Variants in TBC1D22A observed in about 807,000 individuals in gnomAD.
TBC1D22A encodes TBC1 domain family member 22A.
TBC1D22A carries 38 observed loss-of-function variants against 60.2 expected under a neutral mutation model. The observed-to-expected ratio is 0.63, with a 90% CI of 0.49 to 0.83. The LOEUF is 0.83. Ranked by LOEUF, TBC1D22A falls within the 40% of genes least tolerant of loss-of-function variation. The probability of loss-of-function intolerance (pLI) is 0.00; values close to 1 mark genes in which losing one functional copy is unlikely to be tolerated. For missense variants in TBC1D22A, 628 were observed against 701.0 expected (o/e 0.90, Z 1.18); for synonymous variants, 302 against 281.7 (o/e 1.07, Z -0.72).
intron 8 of TBC1D22A, among the ~76,000 whole-genome samples, chr22:46,932,688 A>G (rs9616163): frequency 0.1 from 13,868 of 137,716 alleles, 729 homozygotes; most frequent in African/African-American, 0.12. Context: ...CTCTGAGGAT[A>G]GGGTTTAGTG....
At chr22:47,153,696 G>A (rs190046683) in intron 12 of TBC1D22A, among the ~76,000 whole-genome samples, 314 of 152,278 alleles carry the variant, frequency 2.1e-3, no homozygotes, top group African/African-American at 7.3e-3. Context: ...CCTAGAACCC[G>A]CAGGGTGTGG....
At chr22:46,821,882 G>C (rs572658045) in intron 4 of TBC1D22A, among the ~76,000 whole-genome samples, 1 of 151,978 alleles carries the variant, frequency 6.6e-6, no homozygotes, top group South Asian at 2.1e-4. Context: ...CCAGGCAATC[G>C]TAGGTTCGGT....
intron 10 of TBC1D22A, among the ~76,000 whole-genome samples, chr22:47,034,728 G>C (rs757223270): frequency 1.3e-5 from 2 of 152,186 alleles, no homozygotes; most frequent in Non-Finnish European, 2.9e-5. Context: ...GACTTTGGAC[G>C]ACGGAGCTCG....
intron 10 of TBC1D22A, among the ~76,000 whole-genome samples, chr22:47,003,655 CT>C (rs1408613367): frequency 4.3e-5 from 6 of 138,742 alleles, no homozygotes; most frequent in Non-Finnish European, 9.2e-5. Flanking sequence ...AGATGCACCC[CT>C]GTATACACAC....
At chr22:47,092,182 C>T (rs1163063657) in intron 11 of TBC1D22A, among the ~76,000 whole-genome samples, 2 of 152,122 alleles carry the variant, frequency 1.3e-5, no homozygotes, top group African/African-American at 2.4e-5. Flanking sequence ...GGAGGGATGT[C>T]GGAGCAGGGC....
chr22:47,013,458 T>C (rs969802754), intron 10 of TBC1D22A, among the ~76,000 whole-genome samples: 1 of 152,202 alleles, frequency 6.6e-6, no homozygotes, highest in African/African-American at 2.4e-5. Flanking sequence ...AAGAAAGAGC[T>C]GTCGTGGTTT....
intron 9 of TBC1D22A, among the ~76,000 whole-genome samples, chr22:46,979,513 G>T (rs191488584): frequency 1.3e-5 from 2 of 152,220 alleles, no homozygotes; most frequent in Admixed American, 1.3e-4. Flanking sequence ...TCTCCTTGAC[G>T]ACGCTTCTGT....
At chr22:46,887,401 C>T (rs139050056) in intron 5 of TBC1D22A, among the ~76,000 whole-genome samples, 18 of 152,160 alleles carry the variant, frequency 1.2e-4, no homozygotes, top group Non-Finnish European at 1.9e-4. Context: ...AATTCTTTAG[C>T]AAAGTCTTTC....
chr22:46,948,006 C>T (rs559490111), intron 8 of TBC1D22A, among the ~76,000 whole-genome samples: 92 of 152,304 alleles, frequency 6.0e-4, no homozygotes, highest in African/African-American at 1.5e-3. Flanking sequence ...GAGAGAAGGA[C>T]GCTCTTTGTA....
chr22:46,798,795 C>T (rs2084770332), intron 4 of TBC1D22A, among the ~76,000 whole-genome samples: 2 of 152,338 alleles, frequency 1.3e-5, no homozygotes, highest in Admixed American at 6.5e-5. Flanking sequence ...GAGTGGCGCA[C>T]GCGGATGGGC....
chr22:46,864,084 T>C (rs2066937829), intron 4 of TBC1D22A, among the ~76,000 whole-genome samples: 1 of 152,232 alleles, frequency 6.6e-6, no homozygotes, highest in South Asian at 2.1e-4. Context: ...ACATTCCTGA[T>C]GCCTCCACGT....
intron 4 of TBC1D22A, among the ~76,000 whole-genome samples, chr22:46,831,582 G>T (rs1162545546): frequency 2.6e-5 from 4 of 152,152 alleles, no homozygotes; most frequent in African/African-American, 9.7e-5. Context: ...AAAGTAATTA[G>T]TATTCCTATT....
At chr22:46,768,422 T>G (rs543447783) in intron 1 of TBC1D22A, among the ~76,000 whole-genome samples, 5 of 142,720 alleles carry the variant, frequency 3.5e-5, no homozygotes, top group Non-Finnish European at 7.5e-5. Flanking sequence ...GAGGCAGAGG[T>G]TGCAGTGAGC....
intron 4 of TBC1D22A, among the ~76,000 whole-genome samples, chr22:46,800,229 T>C (rs1389403103): frequency 6.6e-6 from 1 of 152,134 alleles, no homozygotes; most frequent in African/African-American, 2.4e-5. Flanking sequence ...TTCAGGCGCC[T>C]GAACCTCCTT....
At chr22:47,040,959 A>G (rs905813263) in intron 11 of TBC1D22A, among the ~76,000 whole-genome samples, 2 of 152,062 alleles carry the variant, frequency 1.3e-5, no homozygotes, top group African/African-American at 4.8e-5. Context: ...CTGCGGGTAC[A>G]CCTGAAACGG....
intron 1 of TBC1D22A, among the ~76,000 whole-genome samples, chr22:46,769,745 CAG>C (rs2083424451): frequency 6.6e-6 from 1 of 152,066 alleles, no homozygotes; most frequent in African/African-American, 2.4e-5. Flanking sequence ...GGGTTTTAAA[CAG>C]GGAGGGGTGT....
intron 12 of TBC1D22A, among the ~76,000 whole-genome samples, chr22:47,168,905 G>A (rs1380064552): frequency 6.6e-6 from 1 of 152,244 alleles, no homozygotes; most frequent in African/African-American, 2.4e-5. Flanking sequence ...CTGCTCTTCA[G>A]CATCGGAAGC....
intron 12 of TBC1D22A, among the ~76,000 whole-genome samples, chr22:47,160,202 C>T (rs1233182206): frequency 1.3e-5 from 2 of 152,192 alleles, no homozygotes; most frequent in East Asian, 1.9e-4. Context: ...CTGGGAATCA[C>T]GTGTGGACAG....
intron 4 of TBC1D22A, among the ~76,000 whole-genome samples, chr22:46,820,428 A>G (rs1219610007): frequency 6.6e-6 from 1 of 151,832 alleles, no homozygotes; most frequent in African/African-American, 2.4e-5. Flanking sequence ...ATGCTGGTAC[A>G]TTGTCTCTTT....
Sources: gnomAD v4.1 joint callset for allele counts (sites outside exome capture counted in the v4.1 genomes callset) on GRCh38, gnomAD v4.1.1 for gene constraint, MANE v1.5 for transcripts, NCBI Gene and HGNC (gene_info 2026-07-23, HGNC 2026-07-21) for gene names.